AQP3: variants seen among roughly 807,000 people sequenced by gnomAD.
AQP3 encodes aquaporin-3.
In AQP3, 15 loss-of-function variants were observed where a neutral mutation model predicts 30.3. The ratio of observed to expected loss-of-function variants is 0.49; its 90% CI spans 0.33 to 0.76. AQP3 has a LOEUF of 0.76. AQP3 is among the 30% of genes least tolerant of loss of function. The pLI, the probability that AQP3 is intolerant of heterozygous loss-of-function variation, is 0.02. For synonymous variants in AQP3, 153 were observed against 163.2 expected (o/e 0.94, Z 0.47); for missense variants, 272 against 384.8 (o/e 0.71, Z 2.45).
rs1186891862 is a variant in AQP3, at chr9:33,443,457, C to T, written c.237G>A (p.Gly79=). The T allele has an allele frequency of 6.2e-7, 1 of 1,611,716 alleles. No homozygotes were observed. Among genetic ancestry groups the T allele is most frequent in the Admixed American group, 1.7e-5 (1 of 59,694 alleles). Residue 79 remains glycine, a splice_region_variant and synonymous_variant, in exon 3 of 6, where the codon GGG becomes GGA. Transcript: ENST00000297991. This position sits in a 1 kb window ranked among gnomAD's most constrained non-coding sequence, Gnocchi z 5.0. ...AGGTCACGGCAGGGTTCAGGTGGGC[C>T]CCTGGGCAGAGGGGACAAGGGACCT... The part of the protein sequence containing the change: ...LGILIAGQVS[G]AHLNPAVTFA...
In AQP3 at chr9:33,441,757, A is replaced by T; in HGVS notation, c.*286T>A. Reference sequence around the variant, plus strand: ...CACACATGCACACACATGCACACACATGCACACACACACATACCTGCTGCC... The same window carrying T: ...CACACATGCACACACATGCACACACTTGCACACACACACATACCTGCTGCC... On this transcript the variant is annotated 3_prime_UTR_variant, in exon 6 of 6. Coordinates refer to ENST00000297991, the MANE Select transcript of AQP3 (RefSeq NM_004925.5). 1 of 577,400 alleles carries T rather than the reference A, an allele frequency of 1.7e-6. No homozygotes were observed. Among genetic ancestry groups the T allele is most frequent in the South Asian group, 2.3e-5 (1 of 43,074 alleles). 35.8% of individuals were successfully genotyped at this position (577,400 alleles called of 1,614,324 possible).
rs1826928334 is a variant in AQP3 at position 33,447,280 on chromosome 9, G to C, written c.108+143C>G. The C allele has an allele frequency of 5.3e-6, 4 of 750,684 alleles. No individual in the cohort carries two copies. The South Asian group carries it at 6.1e-5, about 11-fold the overall frequency. 46.5% of individuals were successfully genotyped at this position (750,684 alleles called of 1,614,324 possible). A position where few individuals can be genotyped will look rare whatever the true frequency, so the allele number is the denominator to read the frequency against. On this transcript the variant is annotated intron_variant, in intron 1 of 5. Coordinates refer to ENST00000297991, the MANE Select transcript of AQP3 (RefSeq NM_004925.5). ...GGAAGAGGACTTTGGAAGTCAGCTT[G>C]ATCCTCCGCGGTTAAGCGTGGGGGT...
chr9:33,447,193 G>A (rs1237625735), intron 1 of AQP3, among the ~76,000 whole-genome samples: 1 of 152,204 alleles, frequency 6.6e-6, no homozygotes, highest in Non-Finnish European at 1.5e-5. Context: ...ACTATCACTG[G>A]GGAGTAACAG....
chr9:33,442,925 G>A lies in AQP3; in HGVS notation c.419C>T (p.Pro140Leu). 6.2e-7 allele frequency: 1 copy of A among 1,614,200 alleles called. No homozygotes were observed. Among genetic ancestry groups the A allele is most frequent in the African/African-American group, 1.3e-5 (1 of 75,042 alleles). The change falls in exon 4 of 6, where the codon CCC becomes CTC. Residue 140 changes from proline to leucine, a missense_variant. Coordinates refer to ENST00000297991, the MANE Select transcript of AQP3 (RefSeq NM_004925.5). ...AGCAAAGATGCCGGCTGTGCCATTG[G>A]GGCCCGAAACAAAAAGCTGGTTGTC... ...FADNQLFVSG[P>L]NGTAGIFATY... is the part of the protein sequence containing the mutation.
At chr9:33,442,670 C>A in intron 4 of AQP3, 152 bp from the exon 5 acceptor site, 2 of 1,083,794 alleles carry the variant, frequency 1.8e-6, no homozygotes, top group Non-Finnish European at 2.8e-6. Context: ...GTCTGCGTGA[C>A]AAGAACCCGC....
In AQP3 at chr9:33,443,283, CG is replaced by C. The variant is rs1826867501; in HGVS notation, c.373+37del. On this transcript the variant is annotated intron_variant, in intron 3 of 5. Transcript: ENST00000297991. This position sits in a 1 kb window ranked among gnomAD's most constrained non-coding sequence, Gnocchi z 5.0. ...TGCCAGCAGGTCCTGAACAGAGGGA[CG>C]GGGGTAGTGGAGGAGGACAGGGTGG... 5.1e-6 allele frequency: 8 copies of C among 1,563,002 alleles called. No individual in the cohort carries two copies. The highest frequency in any genetic ancestry group is 1.2e-5 in the South Asian group (1 of 84,826).
At chr9:33,445,067 G>C (rs1267933541) in intron 1 of AQP3, among the ~76,000 whole-genome samples, 1 of 152,226 alleles carries the variant, frequency 6.6e-6, no homozygotes, top group Non-Finnish European at 1.5e-5. Flanking sequence ...TGGAGGCTGA[G>C]ATGGGAGGAT....
At chr9:33,442,265 G>A (rs1357889325) in intron 5 of AQP3, 36 bp downstream of exon 5, 7 of 1,611,104 alleles carry the variant, frequency 4.3e-6, no homozygotes, top group Non-Finnish European at 5.1e-6. Flanking sequence ...CAGAGGAGAG[G>A]CAGGCTGGGG....
intron 4 of AQP3, 112 bp downstream of exon 4, chr9:33,442,740 G>T: frequency 8.3e-7 from 1 of 1,198,426 alleles, no homozygotes; most frequent in Non-Finnish European, 1.2e-6. Context: ...TTACCCCACA[G>T]ATTGGAGAAA....
intron 1 of AQP3, among the ~76,000 whole-genome samples, chr9:33,447,004 C>A (rs1206673193): frequency 6.6e-6 from 1 of 152,192 alleles, no homozygotes; most frequent in Non-Finnish European, 1.5e-5. Flanking sequence ...ACCCAGGACC[C>A]AAATAACCTA....
chr9:33,441,352 C>T lies in AQP3; in HGVS notation c.*691G>A, dbSNP rs549457118. On this transcript the variant is annotated 3_prime_UTR_variant, in exon 6 of 6. Transcript: ENST00000297991. ...AAACATGAAACTTATGACCTGACTT[C>T]ACTCCACCCTTCATGCCTGCATTAT... 1 of 153,440 alleles carries T rather than the reference C, an allele frequency of 6.5e-6. No individual in the cohort carries two copies. The highest frequency in any genetic ancestry group is 2.1e-4 in the South Asian group (1 of 4,826). The allele number at this position is 153,440 out of a possible 1,614,324, so 9.5% of individuals were successfully genotyped here. A position where few individuals can be genotyped will look rare whatever the true frequency, so the allele number is the denominator to read the frequency against.
chr9:33,443,497 G>A lies in AQP3; in HGVS notation c.236-39C>T, dbSNP rs760291824. ...ACAAGGGACCTATTAGCTGCAGCCT[G>A]CCACAGTCGGCAGGCTAGGGTCCCC... On this transcript the variant is annotated intron_variant, in intron 2 of 5. Transcript: ENST00000297991. This position sits in a 1 kb window ranked among gnomAD's most constrained non-coding sequence, Gnocchi z 5.0. 9 of 1,601,754 alleles carry A rather than the reference G, an allele frequency of 5.6e-6. No individual in the cohort carries two copies. The highest frequency in any genetic ancestry group is 6.8e-6 in the Non-Finnish European group (8 of 1,174,512).
rs755681406 is a variant in AQP3 at position 33,443,401 on chromosome 9, C to T, written c.293G>A (p.Trp98Ter). 3 of 1,607,682 alleles carry T rather than the reference C, an allele frequency of 1.9e-6. No individual in the cohort carries two copies. Among genetic ancestry groups the T allele is most frequent in the Admixed American group, 3.4e-5 (2 of 59,076 alleles). The part of the protein sequence containing the change: ...FAMCFLAREP[W>*]IKLPIYTLAQ... ...CAGGGTGTAGATGGGCAGCTTGATC[C>T]AGGGCTCACGAGCCAGGAAGCACAT... Residue 98 changes from tryptophan (W) to a stop codon, truncating the protein, a stop_gained, in exon 3 of 6, where the codon TGG becomes TAG. Coordinates refer to ENST00000297991, the MANE Select transcript of AQP3 (RefSeq NM_004925.5). LOFTEE classifies it high-confidence loss of function. This position sits in a 1 kb window ranked among gnomAD's most constrained non-coding sequence, Gnocchi z 5.0.
At position 33,442,040 on chromosome 9, in the gene AQP3, C is replaced by A. The variant is rs1169227658; in HGVS notation, c.*3G>T. ...GCGGAGTGGGGAGATGGCCCCTGCCCACTCAGATCTGCTCCTTGTGCTTCA... is the reference window on the plus strand; with the variant it reads ...GCGGAGTGGGGAGATGGCCCCTGCCAACTCAGATCTGCTCCTTGTGCTTCA... On this transcript the variant is annotated 3_prime_UTR_variant, in exon 6 of 6. Coordinates refer to ENST00000297991, the MANE Select transcript of AQP3 (RefSeq NM_004925.5). The A allele has an allele frequency of 6.2e-7, 1 of 1,612,786 alleles. No individual in the cohort carries two copies. The highest frequency in any genetic ancestry group is 8.5e-7 in the Non-Finnish European group (1 of 1,179,458).
In AQP3 at chr9:33,447,473, G is replaced by A. The variant is rs1442989277; in HGVS notation, c.58C>T (p.Arg20Trp). ...RCGEMLHIRY[R>W]LLRQALAECL... The stretch of plus-strand genomic sequence containing the variant: ...TCGGCCAGCGCCTGTCGGAGCAGCC[G>A]GTAGCGGATGTGGAGCATCTCCCCG... The change falls in exon 1 of 6, where the codon CGG becomes TGG. Residue 20 changes from arginine to tryptophan, a missense_variant. Arg to Trp is a moderately radical substitution (Grantham distance 101). Coordinates refer to ENST00000297991, the MANE Select transcript of AQP3 (RefSeq NM_004925.5). 1.2e-6 allele frequency: 2 copies of A among 1,610,548 alleles called. No homozygotes were observed. Among genetic ancestry groups the A allele is most frequent in the African/African-American group, 1.3e-5 (1 of 74,920 alleles).
intron 1 of AQP3, among the ~76,000 whole-genome samples, chr9:33,446,903 C>G (rs927819830): frequency 1.3e-5 from 2 of 152,226 alleles, no homozygotes; most frequent in Admixed American, 1.3e-4. Context: ...GCCCATGTGG[C>G]CTGCACCCTC....
In AQP3 at chr9:33,441,668, CCCTT is replaced by C; in HGVS notation, c.*371_*374del. 2.4e-6 allele frequency: 1 copy of C among 410,610 alleles called. No individual in the cohort carries two copies. The allele number at this position is 410,610 out of a possible 1,614,324, so 25.4% of individuals were successfully genotyped here. ...TCTGGGCTCCCCCAATAGCCAGAAT[CCCTT>C]CCGACTGGTCCCTTGCCCTGAATAT... On this transcript the variant is annotated 3_prime_UTR_variant, in exon 6 of 6. Transcript: ENST00000297991.
In AQP3 at chr9:33,442,053, T is replaced by A; in HGVS notation, c.869A>T (p.Glu290Val). Reference protein sequence around the residue: ...NVKLAHVKHKEQI With the variant: ...NVKLAHVKHKVQI ...ATGGCCCCTGCCCACTCAGATCTGCTCCTTGTGCTTCACATGGGCCAGCTT... is the reference window on the plus strand; with the variant it reads ...ATGGCCCCTGCCCACTCAGATCTGCACCTTGTGCTTCACATGGGCCAGCTT... The change falls in exon 6 of 6, where the codon GAG becomes GTG. Residue 290 changes from glutamate (E) to valine (V), a missense_variant. Physicochemically the swap from Glu to Val is moderately radical, Grantham distance 121. Coordinates refer to ENST00000297991, the MANE Select transcript of AQP3 (RefSeq NM_004925.5). The A allele has an allele frequency of 1.9e-6, 3 of 1,613,722 alleles. No individual in the cohort carries two copies. The highest frequency in any genetic ancestry group is 2.5e-6 in the Non-Finnish European group (3 of 1,179,978).
In AQP3 at chr9:33,442,034, C is replaced by A; in HGVS notation, c.*9G>T. The stretch of plus-strand genomic sequence containing the variant: ...AGGGCAGCGGAGTGGGGAGATGGCC[C>A]CTGCCCACTCAGATCTGCTCCTTGT... On this transcript the variant is annotated 3_prime_UTR_variant, in exon 6 of 6. Coordinates refer to ENST00000297991, the MANE Select transcript of AQP3 (RefSeq NM_004925.5). The A allele has an allele frequency of 1.2e-6, 2 of 1,612,282 alleles. No homozygotes were observed. The highest frequency in any genetic ancestry group is 1.7e-6 in the Non-Finnish European group (2 of 1,179,174).
Sources: gnomAD v4.1 joint callset for allele counts (sites outside exome capture counted in the v4.1 genomes callset) on GRCh38, gnomAD v4.1.1 for gene constraint, Gnocchi (gnomAD v3.1) non-coding constraint, MANE v1.5 for transcripts, NCBI Gene and HGNC (gene_info 2026-07-23, HGNC 2026-07-21) for gene names.